PTPRO: variants seen among roughly 807,000 people sequenced by gnomAD.
PTPRO encodes protein tyrosine phosphatase receptor type O.
A neutral mutation model predicts 145.2 loss-of-function variants in PTPRO; 62 were observed. That is an observed-to-expected ratio of 0.43 (90% CI 0.35 to 0.53). The LOEUF is 0.53. Among genes scored for constraint, PTPRO ranks in the 20% least tolerant of loss-of-function variants. The probability of loss-of-function intolerance (pLI) is 0.01; values close to 1 mark genes in which losing one functional copy is unlikely to be tolerated. For synonymous variants in PTPRO, 565 were observed against 514.7 expected (o/e 1.10, Z -1.32); for missense variants, 1,345 against 1,482.7 (o/e 0.91, Z 1.53).
At chr12:15,454,681 C>G (rs573759155) in intron 1 of PTPRO, among the ~76,000 whole-genome samples, 10 of 152,232 alleles carry the variant, frequency 6.6e-5, no homozygotes, top group African/African-American at 2.4e-4. Context: ...AAGCTTTTCT[C>G]CTATACATTC....
At chr12:15,532,090 A>G (rs1319620507) in intron 12 of PTPRO, among the ~76,000 whole-genome samples, 1 of 152,164 alleles carries the variant, frequency 6.6e-6, no homozygotes, top group Non-Finnish European at 1.5e-5. Context: ...ATTTCTCCAG[A>G]ACTCAATGCA....
intron 1 of PTPRO, among the ~76,000 whole-genome samples, chr12:15,454,899 C>T (rs995862707): frequency 9.9e-5 from 15 of 152,174 alleles, no homozygotes; most frequent in Middle Eastern, 3.4e-3. Context: ...CATATATGCT[C>T]GTGTTAACTT....
At chr12:15,577,655 G>C (rs1012122901) in intron 19 of PTPRO, among the ~76,000 whole-genome samples, 2 of 152,176 alleles carry the variant, frequency 1.3e-5, no homozygotes, top group Admixed American at 1.3e-4. Context: ...TATAACAAGT[G>C]ATTTTTGCCT....
chr12:15,458,124 A>G (rs1344526015), intron 1 of PTPRO, among the ~76,000 whole-genome samples: 1 of 152,106 alleles, frequency 6.6e-6, no homozygotes, highest in African/African-American at 2.4e-5. Flanking sequence ...TGTTGGCCAT[A>G]TATAGTGTTC....
At chr12:15,438,688 C>G (rs996670284) in intron 1 of PTPRO, among the ~76,000 whole-genome samples, 25 of 151,872 alleles carry the variant, frequency 1.6e-4, no homozygotes, top group African/African-American at 6.0e-4. Context: ...ATGAGCAGTC[C>G]TCATGAAATA....
Position 15,507,771 on chromosome 12 carries a change from T to TTCC in PTPRO, c.1268-797_1268-795dup. ...TCCCCAGTAGAGCGACTTGCTCCTT[T>TTCC]TCCTCTCCTGGATCTCAGCTTAGGA... is the stretch of plus-strand genomic sequence containing the variant. On this transcript the variant is annotated intron_variant, in intron 6 of 26. Transcript: ENST00000281171. 3.3e-5 allele frequency among the ~76,000 whole-genome samples: 5 copies of TTCC among 152,376 alleles called. No individual in the cohort carries two copies. In the South Asian group the frequency reaches 1.0e-3, roughly 32 times the overall value.
At chr12:15,445,744 A>C (rs1340426448) in intron 1 of PTPRO, among the ~76,000 whole-genome samples, 2 of 152,178 alleles carry the variant, frequency 1.3e-5, no homozygotes, top group African/African-American at 2.4e-5. Flanking sequence ...AAAATGAATC[A>C]ACTTAAATTG....
At chr12:15,449,617 G>A (rs908613782) in intron 1 of PTPRO, among the ~76,000 whole-genome samples, 1 of 152,188 alleles carries the variant, frequency 6.6e-6, no homozygotes, top group African/African-American at 2.4e-5. Context: ...AATATGGAAA[G>A]TGATGGATAT....
chr12:15,465,471 G>A (rs1270329033), intron 1 of PTPRO, among the ~76,000 whole-genome samples: 1 of 152,194 alleles, frequency 6.6e-6, no homozygotes, highest in Non-Finnish European at 1.5e-5. Flanking sequence ...AAGGAGAAGA[G>A]ACATTTAAAA....
In PTPRO at chr12:15,437,252, C is replaced by T. The variant is rs79103739; in HGVS notation, c.76-46722C>T. Among the ~76,000 whole-genome samples, 861 of 152,006 alleles carry T rather than the reference C, an allele frequency of 5.7e-3. 52 individuals carry two copies. In the East Asian group the frequency reaches 0.14, roughly 25 times the overall value. On this transcript the variant is annotated intron_variant, in intron 1 of 26. Transcript: ENST00000281171. ...AGAGGGACCCTCTCTGCTACATGCC[C>T]AGGAAGATCTCCAGGCATTCAGAGC... is the stretch of plus-strand genomic sequence containing the variant.
intron 2 of PTPRO, among the ~76,000 whole-genome samples, chr12:15,491,839 T>C (rs1029684658): frequency 6.6e-6 from 1 of 152,170 alleles, no homozygotes; most frequent in African/African-American, 2.4e-5. Flanking sequence ...AAAGACACTA[T>C]TGAGTCTGGG....
At chr12:15,329,095 G>A (rs887652735) in intron 1 of PTPRO, among the ~76,000 whole-genome samples, 5 of 152,166 alleles carry the variant, frequency 3.3e-5, no homozygotes, top group South Asian at 2.1e-4. Flanking sequence ...TTTATATAAC[G>A]GGTGAGGAAA....
intron 15 of PTPRO, 108 bp from the exon 16 acceptor site, chr12:15,557,347 T>A (rs978028775): frequency 3.7e-6 from 4 of 1,071,698 alleles, no homozygotes; most frequent in Middle Eastern, 2.1e-4. Flanking sequence ...TTCTTTTTTT[T>A]AATTTAATGC....
chr12:15,583,498 C>CACACA (rs111966597), intron 23 of PTPRO, among the ~76,000 whole-genome samples: 6 of 150,144 alleles, frequency 4.0e-5, no homozygotes, highest in East Asian at 2.0e-4. Flanking sequence ...CACACACACA[C>CACACA]AAAAAAAATC....
rs1047789149 is a variant in PTPRO, at chr12:15,579,535, T to A, written c.2921-504T>A. Among the ~76,000 whole-genome samples the A allele has an allele frequency of 3.3e-5, 5 of 152,374 alleles. 1 individual carries two copies. In the East Asian group the frequency reaches 9.6e-4, roughly 29 times the overall value. ...TAGAAAGAGAAGTCTCTTCTTGATA[T>A]GGTTTCTTGATGAAATTAGATATAT... On this transcript the variant is annotated intron_variant, in intron 20 of 26. Transcript: ENST00000281171.
At chr12:15,569,251 A>G (rs766084838) in intron 18 of PTPRO, among the ~76,000 whole-genome samples, 166 bp from the exon 19 acceptor site, 4 of 152,058 alleles carry the variant, frequency 2.6e-5, no homozygotes, top group Non-Finnish European at 5.9e-5. Flanking sequence ...ATTGCAATAT[A>G]TTAAGGATTG....
chr12:15,547,862 T>G (rs1943335869), intron 13 of PTPRO, among the ~76,000 whole-genome samples: 2 of 152,192 alleles, frequency 1.3e-5, no homozygotes, highest in South Asian at 4.1e-4. Context: ...CATTTCTTTA[T>G]GCAAGGGTGT....
chr12:15,424,593 G>A (rs951600012), intron 1 of PTPRO, among the ~76,000 whole-genome samples: 2 of 152,032 alleles, frequency 1.3e-5, no homozygotes, highest in African/African-American at 4.8e-5. Context: ...GAGATGGTGA[G>A]TTCCACAGCT....
intron 18 of PTPRO, among the ~76,000 whole-genome samples, chr12:15,568,345 G>A (rs1268449478): frequency 1.3e-5 from 2 of 151,422 alleles, no homozygotes; most frequent in East Asian, 1.9e-4. Flanking sequence ...CAGGAGAATC[G>A]CTTGAACCTA....
Sources: gnomAD v4.1 joint callset for allele counts (sites outside exome capture counted in the v4.1 genomes callset) on GRCh38, gnomAD v4.1.1 for gene constraint, MANE v1.5 for transcripts, NCBI Gene and HGNC (gene_info 2026-07-23, HGNC 2026-07-21) for gene names.